RUNX1T1: variants seen among roughly 807,000 people sequenced by gnomAD.
The protein encoded by RUNX1T1 is protein CBFA2T1.
A neutral mutation model predicts 62.8 loss-of-function variants in RUNX1T1; 4 were observed. That is an observed-to-expected ratio of 0.06 (90% CI 0.03 to 0.15). The LOEUF is 0.15. Ranked by LOEUF, RUNX1T1 falls within the 10% of genes least tolerant of loss-of-function variation. The pLI is 1.00. For synonymous variants in RUNX1T1, 291 were observed against 286.0 expected (o/e 1.02, Z -0.18); for missense variants, 508 against 754.3 (o/e 0.67, Z 3.82).
At chr8:91,993,309 C>G (rs1238553472) in intron 5 of RUNX1T1, among the ~76,000 whole-genome samples, 1 of 152,046 alleles carries the variant, frequency 6.6e-6, no homozygotes, top group East Asian at 1.9e-4. Context: ...CTTTATGGCC[C>G]TTTAGGGTGG....
intron 1 of RUNX1T1, among the ~76,000 whole-genome samples, chr8:92,027,151 A>G (rs2131275134): frequency 6.6e-6 from 1 of 152,060 alleles, no homozygotes; most frequent in Non-Finnish European, 1.5e-5. Flanking sequence ...CAAACAAACA[A>G]AAAAAGCATC....
At chr8:92,080,595 A>C (rs76978949) in intron 1 of RUNX1T1, among the ~76,000 whole-genome samples, 358 of 152,344 alleles carry the variant, frequency 2.3e-3, no homozygotes, top group Middle Eastern at 0.01. Flanking sequence ...CTGTTGTAGA[A>C]ATGAGATCCA....
chr8:91,963,146 C>T (rs948515953), intron 10 of RUNX1T1, among the ~76,000 whole-genome samples: 2 of 152,126 alleles, frequency 1.3e-5, no homozygotes, highest in Admixed American at 6.5e-5. Flanking sequence ...TGTTTTGGAT[C>T]GTGAAGCTGC....
intron 1 of RUNX1T1, among the ~76,000 whole-genome samples, chr8:92,080,128 G>A (rs1319914944): frequency 2.6e-5 from 4 of 152,042 alleles, no homozygotes; most frequent in Non-Finnish European, 5.9e-5. Context: ...TCTCATCTGG[G>A]GGGTGCTCAT....
At chr8:91,970,031 T>TGC (rs1563626956) in intron 10 of RUNX1T1, among the ~76,000 whole-genome samples, 1,422 of 60,034 alleles carry the variant, frequency 0.024, 17 homozygotes, top group African/African-American at 0.074. Flanking sequence ...TGTGTGTGTG[T>TGC]GTGTGTGTGT....
At chr8:91,998,372 G>C (rs1297288011) in intron 5 of RUNX1T1, among the ~76,000 whole-genome samples, 2 of 152,214 alleles carry the variant, frequency 1.3e-5, no homozygotes, top group African/African-American at 4.8e-5. Flanking sequence ...GAAGAACAGA[G>C]AGCTGAATGC....
intron 2 of RUNX1T1, among the ~76,000 whole-genome samples, chr8:92,069,162 C>A (rs1833312138): frequency 6.7e-6 from 1 of 150,270 alleles, no homozygotes. Context: ...TTTCCCAAAT[C>A]TTCTAAAATG....
chr8:92,031,788 A>G (rs1312263576), intron 1 of RUNX1T1, among the ~76,000 whole-genome samples: 2 of 152,072 alleles, frequency 1.3e-5, no homozygotes, highest in Non-Finnish European at 2.9e-5. Flanking sequence ...TATTTAAAGC[A>G]TGACAAGGCC....
intron 1 of RUNX1T1, among the ~76,000 whole-genome samples, chr8:92,085,576 C>T (rs1835974287): frequency 6.6e-6 from 1 of 152,142 alleles, no homozygotes; most frequent in South Asian, 2.1e-4. Flanking sequence ...TAATTCACTA[C>T]AGAGGGAGAA....
chr8:91,990,599 T>A (rs1817463069), intron 6 of RUNX1T1, among the ~76,000 whole-genome samples: 1 of 152,182 alleles, frequency 6.6e-6, no homozygotes, highest in African/African-American at 2.4e-5. Context: ...TTTTTCATGG[T>A]AGACATTTGT....
intron 10 of RUNX1T1, 71 bp from the exon 12 acceptor site, chr8:91,960,588 G>A: frequency 6.7e-7 from 1 of 1,491,050 alleles, no homozygotes; most frequent in Non-Finnish European, 9.2e-7. Context: ...TGACAAATAT[G>A]TTAGGCATCA....
At chr8:92,065,767 G>A (rs1022799116), upstream of RUNX1T1, among the ~76,000 whole-genome samples, 23 of 152,294 alleles carry the variant, frequency 1.5e-4, no homozygotes, top group African/African-American at 4.3e-4. Flanking sequence ...CTCTACATTG[G>A]TGAAGGGAGA....
upstream of RUNX1T1, chr8:92,063,079 T>C (rs1832334217): frequency 1.1e-5 from 5 of 471,878 alleles, no homozygotes; most frequent in Non-Finnish European, 1.2e-5. Context: ...CTCATTTTCA[T>C]AGCCATAATT....
chr8:92,010,959 A>G (rs777014228), intron 4 of RUNX1T1, 43 bp downstream of exon 5: 6 of 1,131,510 alleles, frequency 5.3e-6, no homozygotes, highest in Admixed American at 1.7e-5. Context: ...CCTAGCAACA[A>G]TATGGTTTAA....
intron 10 of RUNX1T1, among the ~76,000 whole-genome samples, chr8:91,966,304 T>A (rs1011805213): frequency 6.6e-6 from 1 of 151,812 alleles, no homozygotes; most frequent in Non-Finnish European, 1.5e-5. Flanking sequence ...TTATTCAGAG[T>A]CTACACAGGT....
downstream of RUNX1T1, chr8:91,956,663 T>C (rs1402586788): frequency 4.4e-6 from 1 of 226,050 alleles, no homozygotes; most frequent in African/African-American, 2.2e-5. Context: ...CTCAAGAGTA[T>C]GCTGACAAAA....
chr8:92,101,027 C>T (rs1208082152), upstream of RUNX1T1, among the ~76,000 whole-genome samples: 1 of 152,182 alleles, frequency 6.6e-6, no homozygotes, highest in African/African-American at 2.4e-5. Context: ...AGAAGCTGGT[C>T]AATTTGTATT....
At chr8:92,016,001 C>T (rs1437266417) in intron 2 of RUNX1T1, among the ~76,000 whole-genome samples, 1 of 152,154 alleles carries the variant, frequency 6.6e-6, no homozygotes, top group Non-Finnish European at 1.5e-5. Flanking sequence ...TTTTAAATGG[C>T]AGTGCAACAC....
intron 8 of RUNX1T1, among the ~76,000 whole-genome samples, chr8:91,982,708 T>G (rs1815616833): frequency 6.6e-6 from 1 of 152,148 alleles, no homozygotes; most frequent in Admixed American, 6.5e-5. Context: ...ACTTGGAGTT[T>G]TCCCTGGAAA....
Sources: allele counts gnomAD v4.1 joint callset (sites outside exome capture counted in the v4.1 genomes callset), GRCh38; gene constraint gnomAD v4.1.1; transcripts MANE v1.5; gene names NCBI Gene and HGNC (gene_info 2026-07-23, HGNC 2026-07-21).